LCOR: variants seen among roughly 807,000 people sequenced by gnomAD.
The protein encoded by LCOR is ligand-dependent corepressor.
In LCOR, 14 loss-of-function variants were observed where a neutral mutation model predicts 64.4. That is an observed-to-expected ratio of 0.22 (90% CI 0.14 to 0.34). LCOR has a LOEUF of 0.34. Ranked by LOEUF, LCOR falls within the 10% of genes least tolerant of loss-of-function variation. LCOR has a pLI of 1.00. For synonymous variants in LCOR, 643 were observed against 642.5 expected (o/e 1.00, Z -0.01); for missense variants, 1,686 against 1,765.3 (o/e 0.96, Z 0.80).
intron 4 of LCOR, among the ~76,000 whole-genome samples, chr10:96,931,462 C>A (rs982270235): frequency 1.3e-5 from 2 of 152,106 alleles, no homozygotes; most frequent in African/African-American, 4.8e-5. Context: ...TCTCAAACTC[C>A]TGACCTCAAG....
chr10:96,906,245 G>A (rs1846725859), intron 2 of LCOR, among the ~76,000 whole-genome samples: 2 of 152,136 alleles, frequency 1.3e-5, no homozygotes, highest in Non-Finnish European at 2.9e-5. Context: ...CTTTATTGCA[G>A]TAATCCTATG....
In LCOR at chr10:96,832,415, G is replaced by T. The variant is rs1246470260; in HGVS notation, c.-404+16G>T. ...CACTGTGTAGGTGAGACCCTCCGCC[G>T]ACCGCCGCCGCCCCTCCGGCCGCCC... On this transcript the variant is annotated intron_variant, in intron 1 of 7. Coordinates refer to ENST00000421806, the MANE Select transcript of LCOR (RefSeq NM_001346516.2). 1.0e-4 allele frequency: 98 copies of T among 961,582 alleles called. No individual in the cohort carries two copies. Among genetic ancestry groups the T allele is most frequent in the Non-Finnish European group, 1.2e-4 (97 of 808,122 alleles). 59.6% of individuals were successfully genotyped at this position (961,582 alleles called of 1,614,324 possible).
intron 2 of LCOR, among the ~76,000 whole-genome samples, chr10:96,878,792 T>C (rs554825470): frequency 6.6e-6 from 1 of 152,044 alleles, no homozygotes; most frequent in African/African-American, 2.4e-5. Flanking sequence ...CCTTCTCTCT[T>C]CTCCCCTCCC....
intron 2 of LCOR, among the ~76,000 whole-genome samples, chr10:96,884,922 C>T (rs987270484): frequency 6.6e-6 from 1 of 152,180 alleles, no homozygotes; most frequent in African/African-American, 2.4e-5. Flanking sequence ...GCATTTCCTA[C>T]CTACCTTTTC....
intron 4 of LCOR, among the ~76,000 whole-genome samples, chr10:96,909,365 T>C (rs149902174): frequency 2.3e-3 from 354 of 152,376 alleles, no homozygotes; most frequent in South Asian, 0.011. Context: ...TCTCTATAGC[T>C]AGAAATTCCT....
At position 96,985,877 on chromosome 10, in the gene LCOR, TC is replaced by T. The variant is rs1223910708; in HGVS notation, c.*747del. The T allele has an allele frequency of 6.0e-6, 1 of 167,070 alleles. No homozygotes were observed. Among genetic ancestry groups the T allele is most frequent in the Non-Finnish European group, 1.5e-5 (1 of 68,110 alleles). The allele number at this position is 167,070 out of a possible 1,614,324, so 10.3% of individuals were successfully genotyped here. On this transcript the variant is annotated 3_prime_UTR_variant, in exon 8 of 8. Transcript: ENST00000421806. Reference sequence around the variant, plus strand: ...TACAAACTCTAAAAAATCATTTGCATCCCCAAACTGTATTACTAATTCTCAC... The same window carrying T: ...TACAAACTCTAAAAAATCATTTGCATCCCAAACTGTATTACTAATTCTCAC...
rs548102927 is a variant in LCOR, at chr10:96,877,892, T to A, written c.-329-29373T>A. The stretch of plus-strand genomic sequence containing the variant: ...TCCCAAAGTGTTGGGATTACAGGCG[T>A]GAGCCACTGCGCCCGACCTGAAAAT... On this transcript the variant is annotated intron_variant, in intron 2 of 7. Transcript: ENST00000421806. Among the ~76,000 whole-genome samples, 135 of 152,274 alleles carry A rather than the reference T, an allele frequency of 8.9e-4. 2 individuals carry two copies. The South Asian group carries it at 0.027, about 31-fold the overall frequency.
intron 2 of LCOR, among the ~76,000 whole-genome samples, chr10:96,866,634 G>T (rs1371023322): frequency 6.6e-6 from 1 of 152,176 alleles, no homozygotes; most frequent in Non-Finnish European, 1.5e-5. Flanking sequence ...AGGCTAGAGT[G>T]CAATGGCCCG....
At chr10:96,941,053 G>A (rs1847453675) in intron 4 of LCOR, among the ~76,000 whole-genome samples, 5 of 122,944 alleles carry the variant, frequency 4.1e-5, no homozygotes, top group African/African-American at 6.9e-5. Flanking sequence ...CGGACAGGGC[G>A]GCTGGCCGAC....
At chr10:96,934,595 C>A (rs775627433) in intron 4 of LCOR, among the ~76,000 whole-genome samples, 13 of 152,206 alleles carry the variant, frequency 8.5e-5, no homozygotes, top group Non-Finnish European at 1.3e-4. Context: ...TTGAAATCTG[C>A]AACTTTATTT....
chr10:96,848,985 A>G (rs1312973733), intron 2 of LCOR, among the ~76,000 whole-genome samples: 1 of 149,500 alleles, frequency 6.7e-6, no homozygotes, highest in Non-Finnish European at 1.5e-5. Flanking sequence ...TTAATTTTTA[A>G]AAATAAGTGT....
rs903337121 is a variant in LCOR at position 96,987,913 on chromosome 10, C to G, written c.*2779C>G. The G allele has an allele frequency of 6.6e-6, 1 of 152,206 alleles. No individual in the cohort carries two copies. Among genetic ancestry groups the G allele is most frequent in the Non-Finnish European group, 1.5e-5 (1 of 68,054 alleles). The allele number at this position is 152,206 out of a possible 1,614,324, so 9.4% of individuals were successfully genotyped here. ...CCATCTTCAAGAATGGCTTACCACA[C>G]CAGATGCAAAAGCAGTCCATCCCAC... On this transcript the variant is annotated 3_prime_UTR_variant, in exon 8 of 8. Coordinates refer to ENST00000421806, the MANE Select transcript of LCOR (RefSeq NM_001346516.2).
At chr10:96,865,672 C>G (rs1341386539) in intron 2 of LCOR, among the ~76,000 whole-genome samples, 2 of 151,902 alleles carry the variant, frequency 1.3e-5, no homozygotes, top group Non-Finnish European at 2.9e-5. Context: ...GTCAGGAGTT[C>G]GAGACCAGCC....
intron 2 of LCOR, among the ~76,000 whole-genome samples, chr10:96,845,658 G>A (rs1046592310): frequency 6.0e-5 from 9 of 150,322 alleles, no homozygotes; most frequent in African/African-American, 1.5e-4. Context: ...TAGTAGAGAC[G>A]GGGTGTCACC....
At chr10:96,959,746 G>A (rs1847850731) in intron 7 of LCOR, 1 of 152,240 alleles carries the variant, frequency 6.6e-6, no homozygotes, top group South Asian at 2.1e-4. Flanking sequence ...TATTAAGTTT[G>A]TTGTTCTGAA....
Position 96,981,083 on chromosome 10 carries a change from A to G in LCOR, c.623A>G (p.Asp208Gly), listed in dbSNP as rs1848080238. 2 of 702,832 alleles carry G rather than the reference A, an allele frequency of 2.8e-6. No homozygotes were observed. Among genetic ancestry groups the G allele is most frequent in the Non-Finnish European group, 5.2e-6 (2 of 385,012 alleles). 43.5% of individuals were successfully genotyped at this position (702,832 alleles called of 1,614,324 possible). Residue 208 changes from aspartate (D) to glycine (G), a missense_variant, in exon 8 of 8, where the codon GAC becomes GGC. Asp to Gly is a moderately conservative substitution (Grantham distance 94). Around this residue, in one of 3 missense-constraint regions of LCOR, gnomAD observed 313 missense variants for 247.2 expected, o/e 1.27. Transcript: ENST00000421806. Reference protein sequence around the residue: ...KSSASVDLFVDSSDSHSPLHL... With the variant: ...KSSASVDLFVGSSDSHSPLHL... Reference sequence around the variant, plus strand: ...TCTGCTTCTGTAGATTTGTTCGTAGACTCGTCAGACTCTCACAGCCCTCTA... The same window carrying G: ...TCTGCTTCTGTAGATTTGTTCGTAGGCTCGTCAGACTCTCACAGCCCTCTA...
At chr10:96,855,890 C>A (rs1192173958) in intron 2 of LCOR, among the ~76,000 whole-genome samples, 2 of 151,572 alleles carry the variant, frequency 1.3e-5, no homozygotes, top group Non-Finnish European at 2.9e-5. Context: ...TACAGGCATG[C>A]ACCACCATGC....
At chr10:96,915,196 C>T (rs114488957) in intron 4 of LCOR, among the ~76,000 whole-genome samples, 1,659 of 152,264 alleles carry the variant, frequency 0.011, 20 homozygotes, top group African/African-American at 0.038. Flanking sequence ...ATGAAGTATT[C>T]TGTGTGCTCA....
At chr10:96,837,703 C>G (rs1375942750) in intron 2 of LCOR, among the ~76,000 whole-genome samples, 1 of 152,134 alleles carries the variant, frequency 6.6e-6, no homozygotes, top group Non-Finnish European at 1.5e-5. Flanking sequence ...AGATTATCAT[C>G]CTTGGAAGTT....
Sources: gnomAD v4.1 joint callset for allele counts (sites outside exome capture counted in the v4.1 genomes callset) on GRCh38, gnomAD v4.1.1 for gene constraint, gnomAD v4.1.1 regional missense constraint, MANE v1.5 for transcripts, NCBI Gene and HGNC (gene_info 2026-07-23, HGNC 2026-07-21) for gene names.